The following CNTN1 variants were observed in gnomAD, a reference collection of about 807,000 sequenced individuals.
CNTN1 encodes contactin-1.
CNTN1 carries 38 observed loss-of-function variants against 126.4 expected under a neutral mutation model. The observed-to-expected ratio is 0.30, with a 90% CI of 0.23 to 0.39. CNTN1 has a LOEUF of 0.39. Among genes scored for constraint, CNTN1 ranks in the 10% least tolerant of loss-of-function variants. CNTN1 has a pLI of 1.00. For missense variants in CNTN1, 1,009 were observed against 1,248.4 expected, an observed-to-expected ratio of 0.81 and a Z score of 2.89; for synonymous variants, 413 against 422.6, an observed-to-expected ratio of 0.98 and a Z score of 0.28.
At chr12:40,936,589 C>T (rs1565986978) in intron 9 of CNTN1, among the ~76,000 whole-genome samples, 192 bp from the exon 10 acceptor site, 1 of 152,092 alleles carries the variant, frequency 6.6e-6, no homozygotes, top group Non-Finnish European at 1.5e-5. Flanking sequence ...ATAGTTACCT[C>T]CTGCTGTAAT....
chr12:40,899,273 G>C (rs1335087681), intron 1 of CNTN1, among the ~76,000 whole-genome samples: 1 of 152,158 alleles, frequency 6.6e-6, no homozygotes, highest in Non-Finnish European at 1.5e-5. Flanking sequence ...TTTTGTAGTA[G>C]TCTACCAATC....
At position 40,816,197 on chromosome 12, in the gene CNTN1, A is replaced by T. The variant is rs975674684; in HGVS notation, c.-76-92160A>T. Reference sequence around the variant, plus strand: ...GTTAGGGAGGAGTCCCTCCTTTTCAATTGTTTGGAATAGTTTCAGAAGGAA... The same window carrying T: ...GTTAGGGAGGAGTCCCTCCTTTTCATTTGTTTGGAATAGTTTCAGAAGGAA... On this transcript the variant is annotated intron_variant, in intron 1 of 23. Coordinates refer to ENST00000551295, the MANE Select transcript of CNTN1 (RefSeq NM_001843.4). 2.0e-5 allele frequency among the ~76,000 whole-genome samples: 3 copies of T among 151,972 alleles called. No homozygotes were observed. The East Asian group carries it at 5.8e-4, about 29-fold the overall frequency.
rs896712334 is a variant in CNTN1 at position 41,055,903 on chromosome 12, G to A, written c.2981-14056G>A. Among the ~76,000 whole-genome samples the A allele has an allele frequency of 5.3e-5, 8 of 152,084 alleles. No individual in the cohort carries two copies. The South Asian group carries it at 1.4e-3, about 28-fold the overall frequency. On this transcript the variant is annotated intron_variant, in intron 23 of 23. Coordinates refer to ENST00000551295, the MANE Select transcript of CNTN1 (RefSeq NM_001843.4). ...ATTTGCTCTTACTTTGAAGAAGCACGGGTACCTCAGTACCTAGATCTTCTT... is the reference window on the plus strand; with the variant it reads ...ATTTGCTCTTACTTTGAAGAAGCACAGGTACCTCAGTACCTAGATCTTCTT...
At chr12:40,903,578 CAG>C (rs1365054225) in intron 1 of CNTN1, among the ~76,000 whole-genome samples, 7 of 152,000 alleles carry the variant, frequency 4.6e-5, no homozygotes, top group Non-Finnish European at 1.0e-4. Context: ...AGGATGTGAT[CAG>C]AGAGTCACAA....
At chr12:40,893,740 A>G (rs908216960) in intron 1 of CNTN1, among the ~76,000 whole-genome samples, 2 of 152,064 alleles carry the variant, frequency 1.3e-5, no homozygotes, top group Admixed American at 6.5e-5. Context: ...TGTTCATTGC[A>G]TAAAACAAAT....
chr12:40,839,246 TAAAA>T (rs771228638), intron 1 of CNTN1, among the ~76,000 whole-genome samples: 14 of 152,010 alleles, frequency 9.2e-5, no homozygotes, highest in Non-Finnish European at 1.5e-4. Flanking sequence ...AAAAAAAACT[TAAAA>T]AGAATGAGCA....
chr12:40,905,336 T>C (rs1944769844), intron 1 of CNTN1, among the ~76,000 whole-genome samples: 1 of 152,350 alleles, frequency 6.6e-6, no homozygotes, highest in South Asian at 2.1e-4. Flanking sequence ...AAAATATCAC[T>C]GATGTACTCT....
intron 1 of CNTN1, among the ~76,000 whole-genome samples, chr12:40,710,426 A>C (rs555337018): frequency 6.6e-6 from 1 of 152,292 alleles, no homozygotes; most frequent in East Asian, 1.9e-4. Context: ...CACATATAAT[A>C]ATAATGAAAA....
At chr12:40,836,125 C>T (rs943817439) in intron 1 of CNTN1, among the ~76,000 whole-genome samples, 13 of 117,260 alleles carry the variant, frequency 1.1e-4, no homozygotes, top group Admixed American at 6.3e-4. Flanking sequence ...TATATATATA[C>T]GTACATATAC....
At position 40,870,783 on chromosome 12, in the gene CNTN1, C is replaced by T. The variant is rs995475323; in HGVS notation, c.-76-37574C>T. Among the ~76,000 whole-genome samples the T allele has an allele frequency of 2.6e-5, 4 of 152,182 alleles. No individual in the cohort carries two copies. In the East Asian group the frequency reaches 7.7e-4, roughly 29 times the overall value. ...ACATACCAACCCAAACACACCGTCACACACAAATAAATAAAAAGCTTATTA... is the reference window on the plus strand; with the variant it reads ...ACATACCAACCCAAACACACCGTCATACACAAATAAATAAAAAGCTTATTA... On this transcript the variant is annotated intron_variant, in intron 1 of 23. Coordinates refer to ENST00000551295, the MANE Select transcript of CNTN1 (RefSeq NM_001843.4).
At chr12:40,730,006 A>G (rs960275442) in intron 1 of CNTN1, 3 of 152,204 alleles carry the variant, frequency 2.0e-5, no homozygotes, top group African/African-American at 7.2e-5. Context: ...TTTTGTTTTG[A>G]CCAAAGGTAA....
At chr12:40,991,159 C>A (rs544273904) in intron 16 of CNTN1, among the ~76,000 whole-genome samples, 1 of 152,162 alleles carries the variant, frequency 6.6e-6, no homozygotes, top group Non-Finnish European at 1.5e-5. Context: ...GGCTCCATTC[C>A]TTGCTTCTTT....
chr12:41,040,518 T>A (rs1949376461), intron 23 of CNTN1, among the ~76,000 whole-genome samples: 1 of 152,190 alleles, frequency 6.6e-6, no homozygotes, highest in Non-Finnish European at 1.5e-5. Context: ...ATGGCCATTT[T>A]CACGATATTG....
chr12:40,779,150 A>G (rs189719387), intron 1 of CNTN1, among the ~76,000 whole-genome samples: 2 of 151,928 alleles, frequency 1.3e-5, no homozygotes, highest in Admixed American at 6.6e-5. Context: ...TTTGATAATT[A>G]TGTTAAAATC....
intron 1 of CNTN1, among the ~76,000 whole-genome samples, chr12:40,745,922 C>T (rs1482806105): frequency 5.9e-5 from 9 of 151,942 alleles, no homozygotes; most frequent in Non-Finnish European, 1.3e-4. Flanking sequence ...GGAGTGACTC[C>T]CTGGTCCCTT....
intron 15 of CNTN1, among the ~76,000 whole-genome samples, chr12:40,974,793 T>C (rs1262757547): frequency 6.6e-6 from 1 of 152,092 alleles, no homozygotes; most frequent in Non-Finnish European, 1.5e-5. Flanking sequence ...CATAGGGTTA[T>C]TGGTAAGAAT....
At chr12:41,010,268 G>A (rs546222873) in intron 17 of CNTN1, among the ~76,000 whole-genome samples, 8 of 152,158 alleles carry the variant, frequency 5.3e-5, no homozygotes, top group Admixed American at 2.6e-4. Context: ...TTTGGAACCC[G>A]GTGACCTTCA....
At position 40,993,308 on chromosome 12, in the gene CNTN1, C is replaced by G. The variant is rs278911; in HGVS notation, c.2113+39C>G. 0.23 allele frequency: 355,217 copies of G among 1,553,298 alleles called. 43,214 individuals carry two copies. The highest frequency in any genetic ancestry group is 0.45 in the African/African-American group (33,416 of 73,604). On this transcript the variant is annotated intron_variant, in intron 17 of 23. Transcript: ENST00000551295. ...AGAAACTTGAAATTTTAAAAGATTT[C>G]TAAATACAGTGCCACTTTCATATAT...
chr12:41,000,737 A>C (rs904971632), intron 17 of CNTN1, among the ~76,000 whole-genome samples: 4 of 152,160 alleles, frequency 2.6e-5, no homozygotes, highest in African/African-American at 9.7e-5. Flanking sequence ...ACTAGGTATT[A>C]AGCATAGTAC....
Sources: allele counts gnomAD v4.1 joint callset (sites outside exome capture counted in the v4.1 genomes callset), GRCh38; gene constraint gnomAD v4.1.1; transcripts MANE v1.5; gene names NCBI Gene and HGNC (gene_info 2026-07-23, HGNC 2026-07-21).